DPP10: variants seen among roughly 807,000 people sequenced by gnomAD.
DPP10 encodes dipeptidyl peptidase like 10, also known as inactive dipeptidyl peptidase 10.
DPP10 carries 33 observed loss-of-function variants against 120.9 expected under a neutral mutation model. That is an observed-to-expected ratio of 0.27 (90% CI 0.21 to 0.37). The LOEUF (loss-of-function observed/expected upper bound fraction) is 0.37, where lower values mean the gene tolerates loss of function less well. DPP10 is among the 10% of genes least tolerant of loss of function. DPP10 has a pLI of 1.00. For missense variants in DPP10, 816 were observed against 942.8 expected (o/e 0.87, Z 1.76); for synonymous variants, 337 against 326.1 (o/e 1.03, Z -0.36).
intron 3 of DPP10, among the ~76,000 whole-genome samples, chr2:115,344,178 A>G (rs2063598354): frequency 6.6e-6 from 1 of 151,788 alleles, no homozygotes; most frequent in African/African-American, 2.4e-5. Context: ...GTTAATATTT[A>G]ATTGAAAGTG....
chr2:115,237,904 T>C (rs2058079186), intron 1 of DPP10, among the ~76,000 whole-genome samples: 1 of 152,156 alleles, frequency 6.6e-6, no homozygotes, highest in Admixed American at 6.5e-5. Context: ...AAAGACACTG[T>C]CTCCATAACA....
chr2:115,196,081 C>CT (rs960088400), intron 1 of DPP10, among the ~76,000 whole-genome samples: 10 of 152,238 alleles, frequency 6.6e-5, no homozygotes, highest in East Asian at 1.9e-4. Flanking sequence ...TTGAAGTGTC[C>CT]TTTTTTTCCC....
intron 1 of DPP10, among the ~76,000 whole-genome samples, chr2:114,942,925 G>A (rs188145602): frequency 1.5e-4 from 23 of 152,162 alleles, no homozygotes; most frequent in Non-Finnish European, 3.2e-4. Flanking sequence ...TATGCTTTAA[G>A]TTCTGGAGTA....
At position 114,462,015 on chromosome 2, in the gene DPP10, T is replaced by C. The variant is rs560137958; in HGVS notation, c.60+19177T>C. On this transcript the variant is annotated intron_variant, in intron 1 of 25. Transcript: ENST00000410059. ...TCGAAAGGAAGTGCTACAATATTCTTTCAAATTCATCGCAGTTGAGAGAAA... is the reference window on the plus strand; with the variant it reads ...TCGAAAGGAAGTGCTACAATATTCTCTCAAATTCATCGCAGTTGAGAGAAA... 57 of 985,322 alleles carry C rather than the reference T, an allele frequency of 5.8e-5. No homozygotes were observed. The African/African-American group carries it at 8.5e-4, about 15-fold the overall frequency. The allele number at this position is 985,322 out of a possible 1,614,324, so 61.0% of individuals were successfully genotyped here.
At chr2:115,422,956 T>C (rs1404745077) in intron 3 of DPP10, among the ~76,000 whole-genome samples, 1 of 152,138 alleles carries the variant, frequency 6.6e-6, no homozygotes, top group Non-Finnish European at 1.5e-5. Flanking sequence ...TCTTGAATTA[T>C]CTTAGCTGCA....
intron 1 of DPP10, among the ~76,000 whole-genome samples, chr2:114,668,713 A>G (rs1037798029): frequency 2.4e-4 from 36 of 152,154 alleles, no homozygotes; most frequent in African/African-American, 8.0e-4. Flanking sequence ...GTATTTTGCT[A>G]TGGAACATGG....
At chr2:115,421,656 A>AAGTCAAG (rs1559579844) in intron 3 of DPP10, among the ~76,000 whole-genome samples, 2 of 151,976 alleles carry the variant, frequency 1.3e-5, no homozygotes, top group Non-Finnish European at 2.9e-5. Flanking sequence ...GCGGATCACG[A>AAGTCAAG]AGTCAAGAGA....
At chr2:115,159,811 A>G (rs768896035) in intron 1 of DPP10, among the ~76,000 whole-genome samples, 1 of 152,204 alleles carries the variant, frequency 6.6e-6, no homozygotes, top group Non-Finnish European at 1.5e-5. Flanking sequence ...TTTTATACTG[A>G]ATTCAGAACA....
At chr2:115,743,979 T>G (rs1677624366) in intron 9 of DPP10, among the ~76,000 whole-genome samples, 1 of 150,660 alleles carries the variant, frequency 6.6e-6, no homozygotes, top group South Asian at 2.1e-4. Context: ...CTCTGAATGA[T>G]TGCGATGCTG....
intron 11 of DPP10, among the ~76,000 whole-genome samples, chr2:115,761,432 T>C (rs1217211283): frequency 2.0e-5 from 3 of 152,148 alleles, no homozygotes; most frequent in Non-Finnish European, 2.9e-5. Context: ...CTTATTGATA[T>C]TGTATTTTAT....
At chr2:115,731,070 C>CA (rs1198797656) in intron 8 of DPP10, among the ~76,000 whole-genome samples, 8 of 151,786 alleles carry the variant, frequency 5.3e-5, no homozygotes, top group Admixed American at 3.9e-4. Flanking sequence ...ACTAAAAATA[C>CA]AAAAAAAGGC....
intron 1 of DPP10, among the ~76,000 whole-genome samples, chr2:114,860,442 A>T (rs936276822): frequency 3.9e-5 from 6 of 152,206 alleles, no homozygotes; most frequent in Non-Finnish European, 8.8e-5. Flanking sequence ...CCACAGGGTG[A>T]TTGGTGCTAG....
At chr2:115,171,353 T>C in intron 1 of DPP10, among the ~76,000 whole-genome samples, 1 of 87,756 alleles carries the variant, frequency 1.1e-5, no homozygotes. Context: ...AGAGCGAGAC[T>C]CCATCAAAAA....
chr2:115,610,929 G>T (rs1472370717), intron 5 of DPP10, among the ~76,000 whole-genome samples: 1 of 152,068 alleles, frequency 6.6e-6, no homozygotes, highest in Non-Finnish European at 1.5e-5. Flanking sequence ...ATATTCTTCG[G>T]CATTTCAGGA....
intron 1 of DPP10, among the ~76,000 whole-genome samples, chr2:114,726,892 T>C (rs1676373394): frequency 6.6e-6 from 1 of 152,222 alleles, no homozygotes; most frequent in African/African-American, 2.4e-5. Flanking sequence ...GAATGGAAAT[T>C]CTCTTTTTAT....
rs951213459 is a variant in DPP10 at position 115,597,544 on chromosome 2, C to T, written c.441+71572C>T. On this transcript the variant is annotated intron_variant, in intron 5 of 25. Transcript: ENST00000410059. Reference sequence around the variant, plus strand: ...GGTCATATATACATATATATACACACACATTTATATACATTATATATTAAT... The same window carrying T: ...GGTCATATATACATATATATACACATACATTTATATACATTATATATTAAT... Among the ~76,000 whole-genome samples, 4 of 150,022 alleles carry T rather than the reference C, an allele frequency of 2.7e-5. No individual in the cohort carries two copies. The Admixed American group carries it at 2.7e-4, about 10-fold the overall frequency.
intron 1 of DPP10, chr2:114,835,512 A>G (rs1054746980): frequency 6.6e-6 from 1 of 152,208 alleles, no homozygotes; most frequent in African/African-American, 2.4e-5. Flanking sequence ...TTAGTCAAAA[A>G]TAAATACGTG....
intron 1 of DPP10, among the ~76,000 whole-genome samples, chr2:115,244,841 A>G (rs1422233991): frequency 7.1e-6 from 1 of 141,774 alleles, no homozygotes; most frequent in Non-Finnish European, 1.5e-5. Context: ...GCACATATAT[A>G]TATACATATA....
intron 21 of DPP10, among the ~76,000 whole-genome samples, chr2:115,815,947 C>T (rs986649253): frequency 4.2e-4 from 64 of 151,472 alleles, no homozygotes; most frequent in Admixed American, 2.6e-4. Flanking sequence ...TGTATATATA[C>T]ATACATATAT....
Sources: allele counts gnomAD v4.1 joint callset (sites outside exome capture counted in the v4.1 genomes callset), GRCh38; gene constraint gnomAD v4.1.1; transcripts MANE v1.5; gene names NCBI Gene and HGNC (gene_info 2026-07-23, HGNC 2026-07-21).